AKT3: variants seen among roughly 807,000 people sequenced by gnomAD.
AKT3 encodes the protein RAC-gamma serine/threonine-protein kinase.
In AKT3, 15 loss-of-function variants were observed where a neutral mutation model predicts 65.3. The ratio of observed to expected loss-of-function variants is 0.23; its 90% CI spans 0.15 to 0.35. AKT3 has a LOEUF of 0.35. Ranked by LOEUF, AKT3 falls within the 10% of genes least tolerant of loss-of-function variation. The pLI is 1.00. For missense variants in AKT3, 243 were observed against 576.5 expected (o/e 0.42, Z 5.92); for synonymous variants, 206 against 183.8 (o/e 1.12, Z -0.98).
chr1:243,552,356 A>G (rs936692534), intron 11 of AKT3, among the ~76,000 whole-genome samples: 3 of 147,248 alleles, frequency 2.0e-5, no homozygotes, highest in Admixed American at 1.4e-4. Flanking sequence ...GTGGGAGGAG[A>G]GTATTGAAAA....
At chr1:243,605,747 T>C (rs557429072) in intron 8 of AKT3, among the ~76,000 whole-genome samples, 3 of 152,214 alleles carry the variant, frequency 2.0e-5, no homozygotes, top group Non-Finnish European at 2.9e-5. Context: ...AATACAGTCA[T>C]GCATTACTTA....
At chr1:243,652,443 A>T (rs1399774674) in intron 4 of AKT3, among the ~76,000 whole-genome samples, 1 of 152,128 alleles carries the variant, frequency 6.6e-6, no homozygotes, top group Non-Finnish European at 1.5e-5. Flanking sequence ...TGTCACCACT[A>T]CAGGGCACTA....
At chr1:243,573,963 T>C (rs577926561) in intron 8 of AKT3, among the ~76,000 whole-genome samples, 84 of 152,292 alleles carry the variant, frequency 5.5e-4, no homozygotes, top group African/African-American at 1.8e-3. Flanking sequence ...ATCTTTGTTG[T>C]TGAAACATGC....
At chr1:243,636,822 T>C (rs1241837375) in intron 6 of AKT3, among the ~76,000 whole-genome samples, 26 of 152,062 alleles carry the variant, frequency 1.7e-4, no homozygotes, top group Admixed American at 1.6e-3. Context: ...TTCTTTCCAA[T>C]AGGGGCATTG....
At chr1:243,625,517 G>T (rs1234585671) in intron 6 of AKT3, among the ~76,000 whole-genome samples, 1 of 152,116 alleles carries the variant, frequency 6.6e-6, no homozygotes, top group Non-Finnish European at 1.5e-5. Context: ...TTGGATTTTG[G>T]TTAGCTTGAG....
At chr1:243,693,910 T>C (rs1043292859) in intron 3 of AKT3, among the ~76,000 whole-genome samples, 4 of 152,190 alleles carry the variant, frequency 2.6e-5, no homozygotes, top group African/African-American at 9.6e-5. Context: ...TACTTGATTA[T>C]ACAAGATTAC....
intron 3 of AKT3, among the ~76,000 whole-genome samples, chr1:243,693,242 TGATATATATATATATATA>T (rs1368257894): frequency 0.013 from 780 of 59,982 alleles, 90 homozygotes; most frequent in African/African-American, 0.028. Flanking sequence ...AGCTACAATT[TGATATATATATATATATA>T]TATATATATA....
chr1:243,836,206 G>T (rs1399258211), intron 2 of AKT3, among the ~76,000 whole-genome samples: 1 of 151,926 alleles, frequency 6.6e-6, no homozygotes, highest in East Asian at 1.9e-4. Flanking sequence ...AAAGATACAA[G>T]ATGCAAACAC....
chr1:243,537,114 G>T (rs1376817203), intron 12 of AKT3, among the ~76,000 whole-genome samples: 1 of 152,068 alleles, frequency 6.6e-6, no homozygotes, highest in African/African-American at 2.4e-5. Flanking sequence ...CTTCACAAAT[G>T]ATCTTGATAC....
intron 2 of AKT3, among the ~76,000 whole-genome samples, chr1:243,766,932 T>C (rs1175089529): frequency 6.6e-6 from 1 of 152,168 alleles, no homozygotes; most frequent in African/African-American, 2.4e-5. Flanking sequence ...AAAAAGAAGA[T>C]AATCTCAGTT....
chr1:243,764,754 CTCAAATATGTTAT>C (rs1689711895), intron 2 of AKT3, among the ~76,000 whole-genome samples: 1 of 152,092 alleles, frequency 6.6e-6, no homozygotes, highest in African/African-American at 2.4e-5. Flanking sequence ...CCATATGTTA[CTCAAATATGTTAT>C]CACACCTACA....
chr1:243,641,346 G>C (rs1680384621), intron 5 of AKT3, among the ~76,000 whole-genome samples: 1 of 148,950 alleles, frequency 6.7e-6, no homozygotes, highest in South Asian at 2.1e-4. Flanking sequence ...TATTAATTCT[G>C]TCCCTCTAGA....
At chr1:243,635,028 C>CA (rs895938752) in intron 6 of AKT3, among the ~76,000 whole-genome samples, 1 of 151,896 alleles carries the variant, frequency 6.6e-6, no homozygotes, top group African/African-American at 2.4e-5. Flanking sequence ...ACAGTCTTTT[C>CA]AAGTGCATAG....
intron 5 of AKT3, among the ~76,000 whole-genome samples, chr1:243,643,991 G>C (rs1383887762): frequency 6.6e-6 from 1 of 152,172 alleles, no homozygotes; most frequent in Non-Finnish European, 1.5e-5. Context: ...TATGGAGTTA[G>C]TAGTGGTACA....
Position 243,675,925 on chromosome 1 carries a change from T to G in AKT3, c.173-11042A>C, listed in dbSNP as rs536116679. ...CTTTTATTTTTGACATTTTTTCCCATAGTAAATCTAGACATTAATTACACA... is the reference window on the plus strand; with the variant it reads ...CTTTTATTTTTGACATTTTTTCCCAGAGTAAATCTAGACATTAATTACACA... On this transcript the variant is annotated intron_variant, in intron 3 of 13. Transcript: ENST00000673466. Among the ~76,000 whole-genome samples the G allele has an allele frequency of 2.6e-5, 4 of 152,278 alleles. No individual in the cohort carries two copies. The East Asian group carries it at 5.8e-4, about 22-fold the overall frequency.
In AKT3 at chr1:243,503,810, T is replaced by A. The variant is rs1480504710; in HGVS notation, c.*1439A>T. The A allele has an allele frequency of 4.3e-6, 1 of 230,954 alleles. No individual in the cohort carries two copies. The highest frequency in any genetic ancestry group is 8.6e-6 in the Non-Finnish European group (1 of 116,526). The allele number at this position is 230,954 out of a possible 1,614,324, so 14.3% of individuals were successfully genotyped here. A position where few individuals can be genotyped will look rare whatever the true frequency, so the allele number is the denominator to read the frequency against. ...AGGTTCTTAGCCTTCACTGCCCATT[T>A]CCTAAATACTCAAGATGTGTTCATT... is the stretch of plus-strand genomic sequence containing the variant. On this transcript the variant is annotated 3_prime_UTR_variant, in exon 14 of 14. Coordinates refer to ENST00000673466, the MANE Select transcript of AKT3 (RefSeq NM_005465.7).
intron 2 of AKT3, among the ~76,000 whole-genome samples, chr1:243,792,937 A>G (rs1040872999): frequency 7.2e-5 from 11 of 152,222 alleles, no homozygotes; most frequent in Admixed American, 6.5e-4. Flanking sequence ...CCAGTAATGA[A>G]AAAAGATGTC....
At chr1:243,721,233 C>G (rs1171512484) in intron 2 of AKT3, among the ~76,000 whole-genome samples, 1 of 152,110 alleles carries the variant, frequency 6.6e-6, no homozygotes, top group Admixed American at 6.5e-5. Context: ...CTACCCTTGT[C>G]CCAATAATAT....
intron 9 of AKT3, among the ~76,000 whole-genome samples, chr1:243,570,804 A>G (rs1260026917): frequency 6.6e-6 from 1 of 152,186 alleles, no homozygotes; most frequent in African/African-American, 2.4e-5. Context: ...TATGCTAACT[A>G]TATACTTAGG....
Sources: gnomAD v4.1 joint callset for allele counts (sites outside exome capture counted in the v4.1 genomes callset) on GRCh38, gnomAD v4.1.1 for gene constraint, MANE v1.5 for transcripts, NCBI Gene and HGNC (gene_info 2026-07-23, HGNC 2026-07-21) for gene names.